ZFHX3: variants seen among roughly 807,000 people sequenced by gnomAD.
ZFHX3 encodes zinc finger homeobox 3.
ZFHX3 carries 42 observed loss-of-function variants against 279.1 expected under a neutral mutation model. That is an observed-to-expected ratio of 0.15 (90% CI 0.12 to 0.19). The LOEUF is 0.19. Ranked by LOEUF, ZFHX3 falls within the 10% of genes least tolerant of loss-of-function variation. ZFHX3 has a pLI of 1.00. For missense variants in ZFHX3, 4,981 were observed against 4,754.0 expected (o/e 1.05, Z -1.40); for synonymous variants, 2,293 against 1,957.8 (o/e 1.17, Z -4.52).
At chr16:73,034,460 C>T (rs1490721855) in intron 1 of ZFHX3, among the ~76,000 whole-genome samples, 2 of 152,174 alleles carry the variant, frequency 1.3e-5, no homozygotes. Flanking sequence ...ACTAGCCAAA[C>T]CGGAAGCCTG....
At chr16:72,925,033 T>C (rs2144257916) in intron 3 of ZFHX3, among the ~76,000 whole-genome samples, 1 of 152,330 alleles carries the variant, frequency 6.6e-6, no homozygotes, top group East Asian at 1.9e-4. Flanking sequence ...TGGGAAGGCC[T>C]TACAACGGGG....
chr16:72,834,762 C>T (rs978303816), intron 4 of ZFHX3, among the ~76,000 whole-genome samples: 8 of 151,850 alleles, frequency 5.3e-5, no homozygotes, highest in African/African-American at 1.9e-4. Flanking sequence ...TCACTGTATG[C>T]ACTCCCCAAA....
At chr16:73,748,614 C>A (rs2053726222) in intron 1 of ZFHX3, among the ~76,000 whole-genome samples, 1 of 152,176 alleles carries the variant, frequency 6.6e-6, no homozygotes, top group Non-Finnish European at 1.5e-5. Flanking sequence ...TCTTTCAAAA[C>A]CAATCACTCC....
chr16:73,671,807 A>G (rs549977675), intron 2 of ZFHX3, among the ~76,000 whole-genome samples: 1 of 152,334 alleles, frequency 6.6e-6, no homozygotes, highest in East Asian at 1.9e-4. Context: ...AAAAAATACA[A>G]CTGTGGCATT....
chr16:73,192,638 C>A (rs538266194), intron 5 of ZFHX3, among the ~76,000 whole-genome samples: 2 of 152,310 alleles, frequency 1.3e-5, no homozygotes, highest in South Asian at 4.1e-4. Context: ...GTGCTAGGTC[C>A]AAGTGAGTGA....
chr16:73,167,170 T>C (rs1211788378), intron 5 of ZFHX3, among the ~76,000 whole-genome samples: 1 of 152,236 alleles, frequency 6.6e-6, no homozygotes, highest in Non-Finnish European at 1.5e-5. Flanking sequence ...AAACTGGCTT[T>C]GTAACTGTAT....
intron 1 of ZFHX3, chr16:73,005,710 A>C (rs1963678905): frequency 6.6e-6 from 1 of 152,246 alleles, no homozygotes; most frequent in African/African-American, 2.4e-5. Context: ...GAATGGCGTG[A>C]ACCCGGGAGG....
intron 1 of ZFHX3, among the ~76,000 whole-genome samples, chr16:73,704,927 G>A (rs2053288787): frequency 6.6e-6 from 1 of 152,192 alleles, no homozygotes; most frequent in African/African-American, 2.4e-5. Context: ...TTCTCCAGTA[G>A]GAGGTCAAGG....
intron 2 of ZFHX3, among the ~76,000 whole-genome samples, chr16:73,503,773 C>G (rs1482285229): frequency 6.6e-6 from 1 of 152,146 alleles, no homozygotes; most frequent in Non-Finnish European, 1.5e-5. Flanking sequence ...CGAACTGGGT[C>G]AATTTCAGAC....
At chr16:73,598,478 C>T (rs1253799826) in intron 2 of ZFHX3, among the ~76,000 whole-genome samples, 4 of 142,858 alleles carry the variant, frequency 2.8e-5, no homozygotes, top group East Asian at 2.2e-4. Context: ...AGCGTAGTGG[C>T]GTGATCTTGA....
chr16:73,167,147 T>C (rs995343382), intron 5 of ZFHX3, among the ~76,000 whole-genome samples: 3 of 152,174 alleles, frequency 2.0e-5, no homozygotes, highest in Admixed American at 1.3e-4. Context: ...TATTGCAAAA[T>C]TGGGGAAAAG....
chr16:73,089,080 C>T (rs1966042282), intron 8 of ZFHX3, among the ~76,000 whole-genome samples: 2 of 152,232 alleles, frequency 1.3e-5, no homozygotes, highest in African/African-American at 4.8e-5. Flanking sequence ...TAATGTTACA[C>T]CTTTTTTTAA....
chr16:73,617,163 G>T (rs1179222129), intron 2 of ZFHX3, among the ~76,000 whole-genome samples: 8 of 152,172 alleles, frequency 5.3e-5, no homozygotes, highest in African/African-American at 9.7e-5. Flanking sequence ...ATCTTGAAAG[G>T]TACAGAAGTC....
chr16:73,015,413 T>C (rs1343151953), intron 1 of ZFHX3: 1 of 152,124 alleles, frequency 6.6e-6, no homozygotes, highest in Non-Finnish European at 1.5e-5. Flanking sequence ...AAACCTCCCA[T>C]CCTGGCCTAC....
intron 5 of ZFHX3, among the ~76,000 whole-genome samples, chr16:73,197,972 C>T (rs552557433): frequency 9.1e-4 from 96 of 105,000 alleles, no homozygotes; most frequent in Admixed American, 1.6e-3. Context: ...GAGTATTGCT[C>T]TGTCGCCAAG....
At chr16:73,515,331 A>G (rs1349174348) in intron 2 of ZFHX3, among the ~76,000 whole-genome samples, 8 of 152,208 alleles carry the variant, frequency 5.3e-5, no homozygotes. Context: ...GTTAAGGATG[A>G]CCAAGTCAAA....
intron 2 of ZFHX3, among the ~76,000 whole-genome samples, chr16:73,618,339 G>C (rs919828917): frequency 6.6e-6 from 1 of 152,126 alleles, no homozygotes; most frequent in Non-Finnish European, 1.5e-5. Flanking sequence ...CAAATGCAAA[G>C]ATAGATAAGA....
intron 3 of ZFHX3, among the ~76,000 whole-genome samples, chr16:72,945,359 G>A (rs909843768): frequency 3.9e-5 from 6 of 152,088 alleles, no homozygotes; most frequent in Non-Finnish European, 7.3e-5. Context: ...TTAACTGGTG[G>A]CCACAAGAGC....
intron 3 of ZFHX3, among the ~76,000 whole-genome samples, chr16:73,366,440 G>A: frequency 6.6e-6 from 1 of 152,084 alleles, no homozygotes; most frequent in East Asian, 1.9e-4. Context: ...GATGAAAAGA[G>A]AAAGACAGGG....
Sources: allele counts gnomAD v4.1 joint callset (sites outside exome capture counted in the v4.1 genomes callset), GRCh38; gene constraint gnomAD v4.1.1; transcripts MANE v1.5; gene names NCBI Gene and HGNC (gene_info 2026-07-23, HGNC 2026-07-21).